The following CCNB3 variants were observed in gnomAD, a reference collection of about 807,000 sequenced individuals.
CCNB3 encodes cyclin B3, also known as G2/mitotic-specific cyclin-B3.
A neutral mutation model predicts 68.0 loss-of-function variants in CCNB3; 12 were observed. The observed-to-expected ratio is 0.18, with a 90% confidence interval of 0.11 to 0.29. CCNB3 has a LOEUF of 0.29. CCNB3 is among the 10% of genes least tolerant of loss of function. The probability of loss-of-function intolerance (pLI) is 1.00; values close to 1 mark genes in which losing one functional copy is unlikely to be tolerated. For missense variants in CCNB3, 904 were observed against 993.1 expected, an observed-to-expected ratio of 0.91 and a Z score of 1.21; for synonymous variants, 354 against 388.9, an observed-to-expected ratio of 0.91 and a Z score of 1.06.
chrX:50,300,201 A>G (rs1473389265), intron 5 of CCNB3, among the ~76,000 whole-genome samples: 1 of 111,502 alleles, frequency 9.0e-6, no homozygotes, highest in Non-Finnish European at 1.9e-5. Flanking sequence ...TATTTTGCTC[A>G]TTAGTTGGTG....
At chrX:50,227,023 A>G (rs1195046663) in intron 1 of CCNB3, among the ~76,000 whole-genome samples, 5 of 79,455 alleles carry the variant, frequency 6.3e-5, no homozygotes, top group African/African-American at 2.5e-4. Flanking sequence ...TATAAAATAT[A>G]TATACAAATA....
rs143341555 is a variant in CCNB3 at position 50,207,793 on chromosome X, A to G, written c.-113+2843A>G. ...CATGTAACTCACTCATTTAAAGTGT[A>G]CAACTCAATTTTTTTAGTATATTGT... On this transcript the variant is annotated intron_variant, in intron 1 of 12. Coordinates refer to ENST00000376042, the MANE Select transcript of CCNB3 (RefSeq NM_033031.3). 6.6e-3 allele frequency among the ~76,000 whole-genome samples: 736 copies of G among 112,026 alleles called. 3 individuals carry two copies. Among genetic ancestry groups the G allele is most frequent in the Non-Finnish European group, 9.2e-3 (490 of 53,239 alleles).
intron 4 of CCNB3, among the ~76,000 whole-genome samples, chrX:50,291,283 T>G (rs930677683): frequency 9.0e-6 from 1 of 111,404 alleles, no homozygotes; most frequent in South Asian, 3.8e-4. Context: ...GGACTTTCAT[T>G]TATTTTTATT....
At chrX:50,299,190 G>C (rs1261430671) in intron 5 of CCNB3, among the ~76,000 whole-genome samples, 1 of 111,095 alleles carries the variant, frequency 9.0e-6, no homozygotes, top group African/African-American at 3.3e-5. Flanking sequence ...GAATGTGTTT[G>C]CTCTTACTTC....
chrX:50,317,542 T>TG (rs1557215936), intron 8 of CCNB3, among the ~76,000 whole-genome samples: 2,450 of 71,087 alleles, frequency 0.034, 24 homozygotes, highest in Admixed American at 0.048. Context: ...TGTATTTAAA[T>TG]TTATGTATGT....
At chrX:50,346,568 C>A in intron 9 of CCNB3, 84 bp from the exon 10 acceptor site, 1 of 973,074 alleles carries the variant, frequency 1.0e-6, no homozygotes, top group Non-Finnish European at 1.4e-6. Context: ...AAATCCTTCA[C>A]CCTTCTCCCT....
At chrX:50,342,119 A>G in intron 8 of CCNB3, 83 bp from the exon 9 acceptor site, 1 of 1,086,628 alleles carries the variant, frequency 9.2e-7, no homozygotes, top group Non-Finnish European at 1.3e-6. Flanking sequence ...GATGTTGCAG[A>G]TACTCCAGGT....
At chrX:50,336,590 A>G (rs1922864920) in intron 8 of CCNB3, among the ~76,000 whole-genome samples, 2 of 112,314 alleles carry the variant, frequency 1.8e-5, no homozygotes, top group South Asian at 7.4e-4. Flanking sequence ...AGGAGTGTAC[A>G]TACGGTAAGC....
chrX:50,295,111 G>C, intron 5 of CCNB3, 118 bp downstream of exon 5: 1 of 752,329 alleles, frequency 1.3e-6, no homozygotes, highest in South Asian at 4.2e-5. Flanking sequence ...TTAACCCTGG[G>C]TGCTGAGGTG....
intron 1 of CCNB3, among the ~76,000 whole-genome samples, chrX:50,283,580 C>T (rs73493791): frequency 0.023 from 2,579 of 111,435 alleles, 65 homozygotes; most frequent in African/African-American, 0.081. Flanking sequence ...TCCCCTCAAG[C>T]TGCAGACTTT....
rs185820706 is a variant in CCNB3, at chrX:50,332,219, G to T, written c.3517-9983G>T. On this transcript the variant is annotated intron_variant, in intron 8 of 12. Coordinates refer to ENST00000376042, the MANE Select transcript of CCNB3 (RefSeq NM_033031.3). ...TTATATCATTTACGAGTCCCCACCT[G>T]TCTTCAGTCCTTAATCTTATTTCAA... 2.2e-4 allele frequency among the ~76,000 whole-genome samples: 25 copies of T among 111,187 alleles called. 1 individual carries two copies. The highest frequency in any genetic ancestry group is 4.6e-3 in the Middle Eastern group (1 of 216).
chrX:50,309,062 A>G lies in CCNB3; in HGVS notation c.893A>G (p.His298Arg), dbSNP rs138975401. 2.3e-4 allele frequency: 277 copies of G among 1,209,289 alleles called. No individual in the cohort carries two copies. Among genetic ancestry groups the G allele is most frequent in the Middle Eastern group, 1.4e-3 (6 of 4,350 alleles). ...TGTACCATTTATGGGAAGATATGCC[A>G]CTTTAGGAAGCCACCAGTATTGCAG... ...KKCTIYGKIC[H>R]FRKPPVLQTT... is the part of the protein sequence containing the mutation. Residue 298 changes from histidine (H) to arginine (R), a missense_variant, in exon 6 of 13, where the codon CAC (histidine) becomes CGC (arginine). By Grantham distance (29) the His-to-Arg change is conservative. This residue lies in a region of CCNB3 where 619 missense variants were observed against 609.8 expected (regional missense o/e 1.02). Coordinates refer to ENST00000376042, the MANE Select transcript of CCNB3 (RefSeq NM_033031.3).
chrX:50,228,087 G>T (rs1366319478), intron 1 of CCNB3, among the ~76,000 whole-genome samples: 1 of 86,153 alleles, frequency 1.2e-5, no homozygotes, highest in Non-Finnish European at 2.2e-5. Flanking sequence ...AATATTTAGA[G>T]AATATATATA....
chrX:50,206,691 T>A (rs1224642921), intron 1 of CCNB3, among the ~76,000 whole-genome samples: 17 of 109,355 alleles, frequency 1.6e-4, no homozygotes, highest in Admixed American at 3.9e-4. Flanking sequence ...GGAGTATTGC[T>A]TGAAGGCAAG....
rs1156398895 is a variant in CCNB3 at position 50,211,957 on chromosome X, C to T, written c.-113+7007C>T. 2.5e-4 allele frequency among the ~76,000 whole-genome samples: 28 copies of T among 112,038 alleles called. 1 individual carries two copies. In the East Asian group the frequency reaches 6.7e-3, roughly 27 times the overall value. ...GGAAGGCAGTAACTTGTGTGTACAA[C>T]CTAGCAGTGGCTCATGTGTTTACAC... On this transcript the variant is annotated intron_variant, in intron 1 of 12. Coordinates refer to ENST00000376042, the MANE Select transcript of CCNB3 (RefSeq NM_033031.3).
intron 1 of CCNB3, among the ~76,000 whole-genome samples, chrX:50,279,736 TTATG>T (rs1483389506): frequency 2.2e-5 from 2 of 89,931 alleles, no homozygotes; most frequent in Admixed American, 1.5e-4. Flanking sequence ...ATATATATGA[TTATG>T]TATATTCATA....
chrX:50,227,541 T>C (rs1935900854), intron 1 of CCNB3, among the ~76,000 whole-genome samples: 1 of 54,106 alleles, frequency 1.8e-5, no homozygotes, highest in Non-Finnish European at 3.4e-5. Flanking sequence ...TATATATAAA[T>C]ATATAGAGAG....
intron 1 of CCNB3, among the ~76,000 whole-genome samples, chrX:50,228,266 A>G (rs981114269): frequency 7.6e-4 from 69 of 90,554 alleles, no homozygotes; most frequent in African/African-American, 2.6e-3. Flanking sequence ...TAGAATATAT[A>G]TAAATACATA....
Position 50,310,227 on chromosome X carries a change from T to G in CCNB3, c.2058T>G (p.Ser686Arg), listed in dbSNP as rs782313834. ...FSLHVKHTNK[S>R]GSLFQEALVL... ...TGCATGTTAAGCATACCAACAAAAG[T>G]GGGTCCCTCTTCCAGGAGGCTTTGG... Residue 686 changes from serine to arginine, a missense_variant, in exon 6 of 13, where the codon AGT (serine) becomes AGG (arginine). Coordinates refer to ENST00000376042, the MANE Select transcript of CCNB3 (RefSeq NM_033031.3). 8.3e-7 allele frequency: 1 copy of G among 1,209,460 alleles called. No homozygotes were observed. The highest frequency in any genetic ancestry group is 1.1e-6 in the Non-Finnish European group (1 of 894,276).
Sources: allele counts gnomAD v4.1 joint callset (sites outside exome capture counted in the v4.1 genomes callset), GRCh38; gene constraint gnomAD v4.1.1; regional missense constraint gnomAD v4.1.1; transcripts MANE v1.5; gene names NCBI Gene and HGNC (gene_info 2026-07-23, HGNC 2026-07-21).